Variants in AKAP9 observed in about 807,000 individuals in gnomAD.
AKAP9 encodes A-kinase anchor protein 9.
In AKAP9, 311 loss-of-function variants were observed where a neutral mutation model predicts 488.5. The observed-to-expected ratio is 0.64, with a 90% CI of 0.58 to 0.70. AKAP9 has a LOEUF of 0.70. Among genes scored for constraint, AKAP9 ranks in the 30% least tolerant of loss-of-function variants. AKAP9 has a pLI of 0.00. For synonymous variants in AKAP9, 1,462 were observed against 1,483.5 expected, an observed-to-expected ratio of 0.99 and a Z score of 0.33; for missense variants, 4,215 against 4,374.5, an observed-to-expected ratio of 0.96 and a Z score of 1.03.
At chr7:91,964,424 T>G (rs1304943195) in intron 1 of AKAP9, among the ~76,000 whole-genome samples, 3 of 152,210 alleles carry the variant, frequency 2.0e-5, no homozygotes, top group Non-Finnish European at 4.4e-5. Context: ...ATGTAATACA[T>G]ACTTCTGATG....
chr7:91,989,131 T>A (rs1478470655), intron 3 of AKAP9, among the ~76,000 whole-genome samples: 1 of 125,816 alleles, frequency 7.9e-6, no homozygotes, highest in African/African-American at 3.1e-5. Context: ...TGAGTGATGA[T>A]GATTCCCTTA....
intron 1 of AKAP9, among the ~76,000 whole-genome samples, chr7:91,949,131 T>G (rs1791879515): frequency 6.6e-6 from 1 of 151,776 alleles, no homozygotes; most frequent in Non-Finnish European, 1.5e-5. Flanking sequence ...ACTTCTTTTA[T>G]CTAATATTAA....
At chr7:92,012,300 G>A (rs1800854854) in intron 8 of AKAP9, 129 bp from the exon 9 acceptor site, 1 of 809,038 alleles carries the variant, frequency 1.2e-6, no homozygotes, top group Non-Finnish European at 1.9e-6. Flanking sequence ...CACGAAGATA[G>A]AAAAAAAATT....
In AKAP9 at chr7:92,110,648, A is replaced by C. The variant is rs1311548250; in HGVS notation, c.*489A>C. The C allele has an allele frequency of 5.0e-6, 1 of 201,072 alleles. No homozygotes were observed. The highest frequency in any genetic ancestry group is 1.0e-5 in the Non-Finnish European group (1 of 97,740). 12.5% of individuals were successfully genotyped at this position (201,072 alleles called of 1,614,324 possible). A position where few individuals can be genotyped will look rare whatever the true frequency, so the allele number is the denominator to read the frequency against. On this transcript the variant is annotated 3_prime_UTR_variant, in exon 50 of 50. Transcript: ENST00000356239. ...GGGTATTTTGTCAAGTACTGAAATA[A>C]AAATGACTTCACCATTTTCACCACA...
At chr7:92,101,878 A>G (rs1299882795) in intron 45 of AKAP9, among the ~76,000 whole-genome samples, 1 of 152,130 alleles carries the variant, frequency 6.6e-6, no homozygotes, top group Non-Finnish European at 1.5e-5. Flanking sequence ...AGATTAGGCC[A>G]GGCACTGGTG....
intron 1 of AKAP9, among the ~76,000 whole-genome samples, chr7:91,954,221 C>T (rs533103277): frequency 6.6e-6 from 1 of 152,242 alleles, no homozygotes; most frequent in African/African-American, 2.4e-5. Context: ...TTGCACATGA[C>T]CAAAATTATG....
rs60385804 is a variant in AKAP9, at chr7:91,980,495, CTTTTTTTTTTT to C, written c.351+175_351+185del. Among the ~76,000 whole-genome samples, 4 of 48,768 alleles carry C rather than the reference CTTTTTTTTTTT, an allele frequency of 8.2e-5. 1 individual carries two copies. The allele number at this position is 48,768 out of a possible 152,430, so 32.0% of individuals were successfully genotyped here. A position where few individuals can be genotyped will look rare whatever the true frequency, so the allele number is the denominator to read the frequency against. On this transcript the variant is annotated intron_variant, in intron 3 of 49. Coordinates refer to ENST00000356239, the MANE Select transcript of AKAP9 (RefSeq NM_005751.5). Reference sequence around the variant, plus strand: ...GAACCTGAGGATTATGTATTACTGACTTTTTTTTTTTTTTTTTTTTTTTCAGATTATTAGCT... The same window carrying C: ...GAACCTGAGGATTATGTATTACTGACTTTTTTTTTTTTCAGATTATTAGCT...
intron 3 of AKAP9, among the ~76,000 whole-genome samples, 164 bp from the exon 4 acceptor site, chr7:91,991,994 A>G (rs1208734609): frequency 3.9e-5 from 6 of 152,208 alleles, no homozygotes; most frequent in Non-Finnish European, 7.3e-5. Context: ...AATGGTCATT[A>G]TGTCTCTTAG....
chr7:92,083,013 A>G (rs1813856714), intron 32 of AKAP9, among the ~76,000 whole-genome samples, 157 bp from the exon 33 acceptor site: 1 of 152,226 alleles, frequency 6.6e-6, no homozygotes, highest in Admixed American at 6.5e-5. Context: ...AAATATATAT[A>G]TGTAAACTGT....
rs1798303003 is a variant in AKAP9, at chr7:91,995,630, A to G, written c.760A>G (p.Ser254Gly). 3 of 1,614,100 alleles carry G rather than the reference A, an allele frequency of 1.9e-6. No homozygotes were observed. Among genetic ancestry groups the G allele is most frequent in the Non-Finnish European group, 1.7e-6 (2 of 1,180,014 alleles). The change falls in exon 7 of 50, where the codon AGC becomes GGC. Residue 254 changes from serine to glycine, a missense_variant. Ser to Gly is a moderately conservative substitution (Grantham distance 56). Coordinates refer to ENST00000356239, the MANE Select transcript of AKAP9 (RefSeq NM_005751.5). ...ACAGGCTAGTGAAACTCTGAGAAAC[A>G]GCACTCATAGTAGCACAGCTGCAGA... is the stretch of plus-strand genomic sequence containing the variant. ...QLQASETLRN[S>G]THSSTAADLL...
Position 92,084,859 on chromosome 7 carries a change from C to A in AKAP9, c.8751C>A (p.His2917Gln). The A allele has an allele frequency of 6.2e-7, 1 of 1,613,146 alleles. No individual in the cohort carries two copies. The highest frequency in any genetic ancestry group is 8.5e-7 in the Non-Finnish European group (1 of 1,179,608). ...GGGGTCAGGGAATTTATCTTACACA[C>A]AGTCAGGGATTTGACATAGCATCAG... ...SDWGQGIYLT[H>Q]SQGFDIASEG... Residue 2917 changes from histidine to glutamine, a missense_variant, in exon 35 of 50, where the codon CAC becomes CAA. His to Gln is a conservative substitution (Grantham distance 24). Coordinates refer to ENST00000356239, the MANE Select transcript of AKAP9 (RefSeq NM_005751.5).
chr7:91,972,219 G>A (rs567539036), intron 1 of AKAP9, among the ~76,000 whole-genome samples: 7 of 152,156 alleles, frequency 4.6e-5, no homozygotes, highest in South Asian at 2.1e-4. Flanking sequence ...CTGATTTGGC[G>A]TCTCCTTTGG....
chr7:91,990,110 A>G (rs894310434), intron 3 of AKAP9, among the ~76,000 whole-genome samples: 2 of 152,126 alleles, frequency 1.3e-5, no homozygotes, highest in East Asian at 3.8e-4. Flanking sequence ...ATACATTAAC[A>G]TAGTCTGTAG....
chr7:92,058,514 G>T, intron 22 of AKAP9: 1 of 347,212 alleles, frequency 2.9e-6, no homozygotes, highest in East Asian at 6.2e-5. Flanking sequence ...TGTTTGATGC[G>T]TTACTACTCA....
chr7:92,100,033 GTT>G (rs1817263477), intron 44 of AKAP9, 164 bp downstream of exon 44: 2 of 619,854 alleles, frequency 3.2e-6, no homozygotes, highest in African/African-American at 1.8e-5. Flanking sequence ...TTATTACTAA[GTT>G]ATAATAATTA....
chr7:92,040,611 T>G (rs1805912027), intron 17 of AKAP9, 63 bp from the exon 18 acceptor site: 1 of 1,203,074 alleles, frequency 8.3e-7, no homozygotes. Context: ...ATATTAATGC[T>G]GACAGATTTT....
At chr7:92,019,587 A>G (rs565067488) in intron 12 of AKAP9, among the ~76,000 whole-genome samples, 52 of 151,806 alleles carry the variant, frequency 3.4e-4, no homozygotes, top group African/African-American at 1.3e-3. Flanking sequence ...TGTGTAAATT[A>G]ATGGGATTTA....
At chr7:91,955,164 A>G (rs899009302) in intron 1 of AKAP9, among the ~76,000 whole-genome samples, 2 of 152,162 alleles carry the variant, frequency 1.3e-5, no homozygotes, top group Non-Finnish European at 2.9e-5. Context: ...TTCTTTCCTT[A>G]TCAAACTTAG....
intron 1 of AKAP9, among the ~76,000 whole-genome samples, chr7:91,964,754 A>AT (rs990223101): frequency 6.6e-6 from 1 of 152,140 alleles, no homozygotes; most frequent in Non-Finnish European, 1.5e-5. Context: ...CATTTCTCTC[A>AT]TACCCTTCAA....
Sources: gnomAD v4.1 joint callset for allele counts (sites outside exome capture counted in the v4.1 genomes callset) on GRCh38, gnomAD v4.1.1 for gene constraint, MANE v1.5 for transcripts, NCBI Gene and HGNC (gene_info 2026-07-23, HGNC 2026-07-21) for gene names.